Variants in EXD3 observed in about 807,000 individuals in gnomAD.
EXD3 encodes the protein exonuclease 3'-5' domain containing 3.
EXD3 carries 92 observed loss-of-function variants against 98.0 expected under a neutral mutation model. The observed-to-expected ratio is 0.94, with a 90% CI of 0.79 to 1.12. The LOEUF is 1.12. Among genes scored for constraint, EXD3 ranks in the 50% most tolerant of loss-of-function variants. The probability of loss-of-function intolerance (pLI) is 0.00; values close to 1 mark genes in which losing one functional copy is unlikely to be tolerated. For synonymous variants in EXD3, 569 were observed against 526.0 expected (o/e 1.08, Z -1.12); for missense variants, 1,222 against 1,191.6 (o/e 1.03, Z -0.38).
chr9:137,420,743 C>A lies in EXD3; in HGVS notation c.-48+2371G>T, dbSNP rs76749463. Reference sequence around the variant, plus strand: ...ACCTGGAGGACAGACATTCACCCCCCCCCCCAAATTCATACAGGTATTATA... The same window carrying A: ...ACCTGGAGGACAGACATTCACCCCCACCCCCAAATTCATACAGGTATTATA... On this transcript the variant is annotated intron_variant, in intron 1 of 21. Coordinates refer to ENST00000340951, the MANE Select transcript of EXD3 (RefSeq NM_017820.5). 2.2e-4 allele frequency among the ~76,000 whole-genome samples: 33 copies of A among 147,652 alleles called. 1 individual carries two copies. In the East Asian group the frequency reaches 5.0e-3, roughly 22 times the overall value.
At chr9:137,315,105 G>A (rs1219758391) in intron 19 of EXD3, among the ~76,000 whole-genome samples, 2 of 152,162 alleles carry the variant, frequency 1.3e-5, no homozygotes, top group African/African-American at 2.4e-5. Context: ...TGGCCCACCA[G>A]GCTGCCCCCA....
chr9:137,330,462 C>G (rs1478999195), intron 17 of EXD3, among the ~76,000 whole-genome samples: 1 of 141,314 alleles, frequency 7.1e-6, no homozygotes, highest in Non-Finnish European at 1.5e-5. Flanking sequence ...AGGAGCTACA[C>G]AGGACTACAA....
chr9:137,354,844 T>A, intron 8 of EXD3, 71 bp from the exon 9 acceptor site: 1 of 1,475,042 alleles, frequency 6.8e-7, no homozygotes, highest in Non-Finnish European at 9.2e-7. Flanking sequence ...TGGGGCGGGC[T>A]GGAGACGGGC....
intron 3 of EXD3, among the ~76,000 whole-genome samples, chr9:137,374,155 C>T (rs1835781228): frequency 6.6e-6 from 1 of 152,268 alleles, no homozygotes; most frequent in Non-Finnish European, 1.5e-5. Flanking sequence ...TCAGCGGCGC[C>T]GTCCTCTGTG....
intron 1 of EXD3, among the ~76,000 whole-genome samples, chr9:137,404,990 G>A (rs1564213738): frequency 2.6e-5 from 4 of 152,102 alleles, no homozygotes; most frequent in African/African-American, 7.2e-5. Context: ...GCCCTCCCAG[G>A]TGCTCGAGGG....
At chr9:137,384,365 C>T (rs986444724) in intron 2 of EXD3, among the ~76,000 whole-genome samples, 3 of 152,208 alleles carry the variant, frequency 2.0e-5, no homozygotes, top group Admixed American at 6.5e-5. Flanking sequence ...AGGACCGGAA[C>T]GGAGGAGAGA....
intron 2 of EXD3, chr9:137,392,998 C>T (rs1184158642): frequency 3.9e-5 from 23 of 584,324 alleles, no homozygotes; most frequent in South Asian, 2.8e-4. Context: ...AGGCTGTTCT[C>T]GGTGGGGGTG....
chr9:137,356,896 G>T (rs917092799), intron 7 of EXD3, among the ~76,000 whole-genome samples: 1 of 152,166 alleles, frequency 6.6e-6, no homozygotes, highest in African/African-American at 2.4e-5. Flanking sequence ...CCCATGCCCT[G>T]GTCCACACCC....
Position 137,347,353 on chromosome 9 carries a change from T to C in EXD3, c.1998+718A>G, listed in dbSNP as rs2119205511. On this transcript the variant is annotated intron_variant, in intron 17 of 21. Coordinates refer to ENST00000340951, the MANE Select transcript of EXD3 (RefSeq NM_017820.5). The surrounding 1 kb of genome is among the most constrained non-coding windows in gnomAD (Gnocchi z 4.2). ...TTGTGGCTGTTGGACTGAGGTTTCC[T>C]TGTGCGGCGTCCTCCATCTTCAAGC... 6.6e-6 allele frequency among the ~76,000 whole-genome samples: 1 copy of C among 152,212 alleles called. No individual in the cohort carries two copies. The highest frequency in any genetic ancestry group is 1.9e-4 in the East Asian group (1 of 5,180).
At chr9:137,382,399 A>G (rs1466011798) in intron 3 of EXD3, among the ~76,000 whole-genome samples, 1 of 145,958 alleles carries the variant, frequency 6.9e-6, no homozygotes, top group African/African-American at 2.5e-5. Flanking sequence ...CGGGGGGCAG[A>G]GGGCGGGACC....
chr9:137,317,931 G>C (rs1175318627), intron 19 of EXD3, among the ~76,000 whole-genome samples: 1 of 152,182 alleles, frequency 6.6e-6, no homozygotes, highest in Non-Finnish European at 1.5e-5. Flanking sequence ...TGTGACATGG[G>C]GGTGCCAAGC....
chr9:137,419,417 C>T (rs1838398518), intron 1 of EXD3, among the ~76,000 whole-genome samples: 1 of 152,184 alleles, frequency 6.6e-6, no homozygotes, highest in South Asian at 2.1e-4. Context: ...TGCCTGTAAT[C>T]CCAACACTTC....
intron 3 of EXD3, chr9:137,374,588 G>A: frequency 1.0e-6 from 1 of 985,506 alleles, no homozygotes; most frequent in Non-Finnish European, 1.2e-6. Flanking sequence ...CAAACACCCA[G>A]GAACAGCCGT....
Position 137,366,576 on chromosome 9 carries a change from G to A in EXD3, c.573C>T (p.Ala191=), listed in dbSNP as rs767371399. The stretch of plus-strand genomic sequence containing the variant: ...GCCTCCTCTGGAGGTCCGGGAAGCC[G>A]GCCACATAGCGCTCCACGAGGGCCA... ...DKVALVERYV[A]GFPDLQRRLL... Residue 191 remains alanine (A), a synonymous_variant, in exon 7 of 22, where the codon GCC becomes GCT. Coordinates refer to ENST00000340951, the MANE Select transcript of EXD3 (RefSeq NM_017820.5). 16 of 1,553,258 alleles carry A rather than the reference G, an allele frequency of 1.0e-5. No homozygotes were observed. Among genetic ancestry groups the A allele is most frequent in the South Asian group, 2.4e-5 (2 of 84,176 alleles).
At chr9:137,369,450 C>T (rs1192539325) in intron 5 of EXD3, among the ~76,000 whole-genome samples, 1 of 152,228 alleles carries the variant, frequency 6.6e-6, no homozygotes, top group Non-Finnish European at 1.5e-5. Context: ...GCTCCTCCTG[C>T]CGCATGTGGT....
At chr9:137,362,161 C>T (rs948963519) in intron 7 of EXD3, among the ~76,000 whole-genome samples, 7 of 152,178 alleles carry the variant, frequency 4.6e-5, no homozygotes, top group Non-Finnish European at 7.3e-5. Flanking sequence ...CAAGCTCATT[C>T]TATCAGGCAA....
intron 19 of EXD3, among the ~76,000 whole-genome samples, chr9:137,314,243 T>C (rs1831517259): frequency 6.6e-6 from 1 of 152,184 alleles, no homozygotes; most frequent in African/African-American, 2.4e-5. Context: ...CCAGAGTGCC[T>C]TGCAGCCCTG....
rs1002856385 is a variant in EXD3 at position 137,384,321 on chromosome 9, C to T, written c.56-944G>A. On this transcript the variant is annotated intron_variant, in intron 2 of 21. Coordinates refer to ENST00000340951, the MANE Select transcript of EXD3 (RefSeq NM_017820.5). ...GGGTCACCCCAGAGAGCCAGGCTGA[C>T]TTAACAGGAGAGTCCAAGGTTATGA... Among the ~76,000 whole-genome samples, 4 of 152,348 alleles carry T rather than the reference C, an allele frequency of 2.6e-5. No homozygotes were observed. The East Asian group carries it at 7.7e-4, about 29-fold the overall frequency.
At position 137,350,964 on chromosome 9, in the gene EXD3, T is replaced by A. The variant is rs1040619527; in HGVS notation, c.1494+74A>T. ...GAGAAGCCCAGGGCCGCTGGGAAGG[T>A]GTGGAGGGGCCCCAAGCAGCCCTCG... On this transcript the variant is annotated intron_variant, in intron 14 of 21. Coordinates refer to ENST00000340951, the MANE Select transcript of EXD3 (RefSeq NM_017820.5). 3 of 1,227,220 alleles carry A rather than the reference T, an allele frequency of 2.4e-6. No homozygotes were observed. The African/African-American group carries it at 4.5e-5, about 18-fold the overall frequency. 76.0% of individuals were successfully genotyped at this position (1,227,220 alleles called of 1,614,324 possible).
Sources: allele counts gnomAD v4.1 joint callset (sites outside exome capture counted in the v4.1 genomes callset), GRCh38; gene constraint gnomAD v4.1.1; non-coding constraint Gnocchi (gnomAD v3.1); transcripts MANE v1.5; gene names NCBI Gene and HGNC (gene_info 2026-07-23, HGNC 2026-07-21).